Variants in CNTN5 observed in about 807,000 individuals in gnomAD.
CNTN5 encodes contactin 5, also known as contactin-5.
Under a neutral mutation model 129.1 loss-of-function variants are expected in CNTN5, and 77 were observed. The observed-to-expected ratio is 0.60, with a 90% CI of 0.50 to 0.72. CNTN5 has a LOEUF of 0.72. Ranked by LOEUF, CNTN5 falls within the 30% of genes least tolerant of loss-of-function variation. CNTN5 has a pLI of 0.00. For synonymous variants in CNTN5, 509 were observed against 465.6 expected, an observed-to-expected ratio of 1.09 and a Z score of -1.20; for missense variants, 1,478 against 1,328.8, an observed-to-expected ratio of 1.11 and a Z score of -1.75.
chr11:99,734,886 T>C (rs990592946), intron 3 of CNTN5, among the ~76,000 whole-genome samples: 5 of 152,180 alleles, frequency 3.3e-5, no homozygotes, highest in Non-Finnish European at 7.3e-5. Context: ...CAGGCGCCTG[T>C]AGTCCCAGCT....
chr11:100,013,019 G>T (rs996193458), intron 9 of CNTN5, among the ~76,000 whole-genome samples: 11 of 152,158 alleles, frequency 7.2e-5, no homozygotes, highest in African/African-American at 2.7e-4. Context: ...TTAAAAGAAT[G>T]AAGTTATGCC....
intron 1 of CNTN5, among the ~76,000 whole-genome samples, chr11:99,226,267 C>A (rs1860680548): frequency 1.3e-5 from 2 of 152,274 alleles, no homozygotes; most frequent in Admixed American, 6.5e-5. Context: ...CTAAGAGACA[C>A]TAACGTGAGG....
intron 6 of CNTN5, among the ~76,000 whole-genome samples, chr11:99,897,562 AAGG>A (rs2135936181): frequency 6.6e-6 from 1 of 152,272 alleles, no homozygotes; most frequent in African/African-American, 2.4e-5. Flanking sequence ...TTCATAAATG[AAGG>A]AGAAATACTC....
chr11:99,475,536 T>C (rs1945337559), intron 2 of CNTN5, among the ~76,000 whole-genome samples: 1 of 152,172 alleles, frequency 6.6e-6, no homozygotes, highest in South Asian at 2.1e-4. Flanking sequence ...CACTGTATTA[T>C]ACTTTTGTCC....
intron 9 of CNTN5, among the ~76,000 whole-genome samples, chr11:100,027,906 G>A (rs1024578661): frequency 6.6e-6 from 1 of 152,112 alleles, no homozygotes; most frequent in Non-Finnish European, 1.5e-5. Flanking sequence ...ATTTTGTGTA[G>A]TATTTAGCTA....
chr11:100,203,799 T>TACACACAC (rs59141425), intron 15 of CNTN5, among the ~76,000 whole-genome samples: 14,523 of 138,780 alleles, frequency 0.1, 820 homozygotes, highest in African/African-American at 0.16. Context: ...AATGTGCACG[T>TACACACAC]ACACACACAC....
At chr11:99,054,426 A>G (rs1864550643) in intron 1 of CNTN5, among the ~76,000 whole-genome samples, 1 of 151,970 alleles carries the variant, frequency 6.6e-6, no homozygotes, top group Non-Finnish European at 1.5e-5. Flanking sequence ...CTGACTCAAA[A>G]ACAAACTTAT....
intron 13 of CNTN5, among the ~76,000 whole-genome samples, chr11:100,177,635 C>G: frequency 6.6e-6 from 1 of 152,136 alleles, no homozygotes; most frequent in East Asian, 1.9e-4. Flanking sequence ...AGGTGTGTCT[C>G]TGTTTAGCAC....
chr11:99,477,571 T>C (rs1945423205), intron 2 of CNTN5, among the ~76,000 whole-genome samples: 2 of 151,780 alleles, frequency 1.3e-5, no homozygotes, highest in East Asian at 1.9e-4. Context: ...AACATACATA[T>C]AAAGGGAAAG....
intron 1 of CNTN5, among the ~76,000 whole-genome samples, chr11:99,314,156 T>C (rs1865235549): frequency 6.6e-6 from 1 of 152,036 alleles, no homozygotes; most frequent in Non-Finnish European, 1.5e-5. Context: ...TGAGGGTATA[T>C]ATAGCTTCTG....
intron 1 of CNTN5, among the ~76,000 whole-genome samples, chr11:99,267,924 A>G (rs12575142): frequency 0.2 from 16,969 of 86,392 alleles, 1,021 homozygotes; most frequent in East Asian, 0.31. Flanking sequence ...ACACACGCAC[A>G]CACACACACA....
At chr11:99,992,379 G>T (rs568198470) in intron 8 of CNTN5, among the ~76,000 whole-genome samples, 2 of 152,304 alleles carry the variant, frequency 1.3e-5, no homozygotes, top group East Asian at 3.9e-4. Flanking sequence ...TAATGTTAGG[G>T]CAAGTTGCCA....
intron 1 of CNTN5, among the ~76,000 whole-genome samples, chr11:99,175,832 C>T (rs562668925): frequency 1.7e-3 from 256 of 152,030 alleles, no homozygotes; most frequent in Non-Finnish European, 2.3e-3. Flanking sequence ...ACTGCAGCTA[C>T]TAGATGGTTG....
At chr11:99,290,770 C>T (rs1864140644) in intron 1 of CNTN5, among the ~76,000 whole-genome samples, 1 of 151,770 alleles carries the variant, frequency 6.6e-6, no homozygotes, top group Non-Finnish European at 1.5e-5. Context: ...TGTTATATTT[C>T]ATATTTAATT....
chr11:100,149,613 C>A (rs779087131), intron 13 of CNTN5, among the ~76,000 whole-genome samples: 8 of 151,804 alleles, frequency 5.3e-5, no homozygotes, highest in Non-Finnish European at 1.2e-4. Flanking sequence ...CTCATGGGGG[C>A]CAGGTGCGGT....
At chr11:100,337,021 G>A (rs1952052205) in intron 21 of CNTN5, 2 of 876,360 alleles carry the variant, frequency 2.3e-6, no homozygotes, top group Non-Finnish European at 3.9e-6. Context: ...GCTGCTTTCT[G>A]CCACTTTGAT....
intron 13 of CNTN5, among the ~76,000 whole-genome samples, chr11:100,177,713 C>T (rs1476251640): frequency 6.6e-6 from 1 of 152,082 alleles, no homozygotes; most frequent in Non-Finnish European, 1.5e-5. Flanking sequence ...ATTTCATCTG[C>T]CAAAACAGGG....
intron 2 of CNTN5, among the ~76,000 whole-genome samples, chr11:99,430,801 A>G (rs148168056): frequency 1.3e-5 from 2 of 152,094 alleles, no homozygotes; most frequent in African/African-American, 4.8e-5. Flanking sequence ...ATCTCCTACT[A>G]CATAAATATC....
intron 2 of CNTN5, among the ~76,000 whole-genome samples, chr11:99,395,387 G>A (rs1941468145): frequency 6.6e-6 from 1 of 151,586 alleles, no homozygotes. Context: ...GAATGGTATT[G>A]TTTGTTGGTT....
Sources: allele counts gnomAD v4.1 joint callset (sites outside exome capture counted in the v4.1 genomes callset), GRCh38; gene constraint gnomAD v4.1.1; transcripts MANE v1.5; gene names NCBI Gene and HGNC (gene_info 2026-07-23, HGNC 2026-07-21).